ITIH2: variants seen among roughly 807,000 people sequenced by gnomAD.
ITIH2 encodes inter-alpha-trypsin inhibitor heavy chain H2.
ITIH2 carries 103 observed loss-of-function variants against 104.4 expected under a neutral mutation model. That is an observed-to-expected ratio of 0.99 (90% CI 0.84 to 1.16). The LOEUF is 1.16. ITIH2 is among the 50% of genes most tolerant of loss of function. The probability of loss-of-function intolerance (pLI) is 0.00; values close to 1 mark genes in which losing one functional copy is unlikely to be tolerated. For missense variants in ITIH2, 1,108 were observed against 1,162.4 expected (o/e 0.95, Z 0.68); for synonymous variants, 436 against 435.4 (o/e 1.00, Z -0.02).
At chr10:7,730,192 T>C in intron 12 of ITIH2, 59 bp downstream of exon 12, 5 of 1,242,296 alleles carry the variant, frequency 4.0e-6, no homozygotes, top group Non-Finnish European at 4.6e-6. Flanking sequence ...ACTACCCATA[T>C]CTGATGCAGG....
rs1431454650 is a variant in ITIH2, at chr10:7,712,129, CCGG to C, written c.363-1050_363-1048del. 1.1e-4 allele frequency among the ~76,000 whole-genome samples: 16 copies of C among 152,280 alleles called. No homozygotes were observed. The East Asian group carries it at 3.1e-3, about 29-fold the overall frequency. On this transcript the variant is annotated intron_variant, in intron 4 of 20. Transcript: ENST00000358415. Reference sequence around the variant, plus strand: ...GCATAATATTCTGTCTTCATCAGCTCCGGCTGCTATGACTAAGTACCATAAAAT... The same window carrying C: ...GCATAATATTCTGTCTTCATCAGCTCCTGCTATGACTAAGTACCATAAAAT...
intron 9 of ITIH2, among the ~76,000 whole-genome samples, 166 bp downstream of exon 9, chr10:7,723,733 A>C (rs1308819367): frequency 6.6e-6 from 1 of 152,144 alleles, no homozygotes; most frequent in Non-Finnish European, 1.5e-5. Flanking sequence ...CTATTATTGC[A>C]TTTCACAGGA....
chr10:7,712,432 G>T (rs2130939817), intron 4 of ITIH2, among the ~76,000 whole-genome samples: 1 of 152,260 alleles, frequency 6.6e-6, no homozygotes, highest in South Asian at 2.1e-4. Context: ...TAAACATTCG[G>T]TCCATTGCAT....
At position 7,732,009 on chromosome 10, in the gene ITIH2, AT is replaced by A; in HGVS notation, c.1647+14del. 6.3e-7 allele frequency: 1 copy of A among 1,599,822 alleles called. No individual in the cohort carries two copies. The highest frequency in any genetic ancestry group is 8.6e-7 in the Non-Finnish European group (1 of 1,168,214). On this transcript the variant is annotated intron_variant, in intron 13 of 20. Coordinates refer to ENST00000358415, the MANE Select transcript of ITIH2 (RefSeq NM_002216.3). The stretch of plus-strand genomic sequence containing the variant: ...CACGGCGACTTCGGTACTTCCACTT[AT>A]CCATTTATTCTATCTACTAACTGAC...
intron 13 of ITIH2, among the ~76,000 whole-genome samples, 163 bp from the exon 14 acceptor site, chr10:7,732,175 C>T (rs1243300305): frequency 6.6e-6 from 1 of 152,186 alleles, no homozygotes. Context: ...GACCTTTTCA[C>T]CCAAGCCCAA....
chr10:7,716,705 C>T (rs1397779922), intron 5 of ITIH2, among the ~76,000 whole-genome samples: 2 of 135,490 alleles, frequency 1.5e-5, no homozygotes, highest in African/African-American at 2.8e-5. Flanking sequence ...CACTGCACTA[C>T]AGCCTGGGCA....
rs370002230 is a variant in ITIH2, at chr10:7,737,617, C to A, written c.1958-1004C>A. Reference sequence around the variant, plus strand: ...TATATTCTATATTCTATAGAATATTCTATATTATATTCTATATTCTATAGA... The same window carrying A: ...TATATTCTATATTCTATAGAATATTATATATTATATTCTATATTCTATAGA... On this transcript the variant is annotated intron_variant, in intron 15 of 20. Transcript: ENST00000358415. Among the ~76,000 whole-genome samples, 715 of 114,092 alleles carry A rather than the reference C, an allele frequency of 6.3e-3. 8 individuals carry two copies. The highest frequency in any genetic ancestry group is 0.011 in the African/African-American group (283 of 26,128). The allele number at this position is 114,092 out of a possible 152,430, so 74.8% of individuals were successfully genotyped here.
At position 7,708,937 on chromosome 10, in the gene ITIH2, T is replaced by C; in HGVS notation, c.193-85T>C. On this transcript the variant is annotated intron_variant, in intron 3 of 20. Transcript: ENST00000358415. ...TGCTAGTAAAACAAGTAAAATGTAGTGTTGTTAACATCAAATGCACTACAT... is the reference window on the plus strand; with the variant it reads ...TGCTAGTAAAACAAGTAAAATGTAGCGTTGTTAACATCAAATGCACTACAT... 8.1e-6 allele frequency: 9 copies of C among 1,106,114 alleles called. No individual in the cohort carries two copies. The South Asian group carries it at 1.2e-4, about 14-fold the overall frequency. 68.5% of individuals were successfully genotyped at this position (1,106,114 alleles called of 1,614,324 possible).
chr10:7,746,068 TA>T (rs372266950), intron 19 of ITIH2, among the ~76,000 whole-genome samples: 393 of 35,750 alleles, frequency 0.011, 4 homozygotes, highest in African/African-American at 0.03. Context: ...ATCTTAAATT[TA>T]AAAAAAAAAA....
At chr10:7,720,984 T>G in intron 7 of ITIH2, 21 bp downstream of exon 7, 2 of 1,444,126 alleles carry the variant, frequency 1.4e-6, no homozygotes, top group East Asian at 2.3e-5. Context: ...CCCTGTGTGT[T>G]GCCAGGCATT....
intron 17 of ITIH2, 80 bp downstream of exon 17, chr10:7,743,339 C>T: frequency 1.3e-6 from 1 of 756,108 alleles, no homozygotes; most frequent in Non-Finnish European, 2.3e-6. Flanking sequence ...TTCTTTCTTT[C>T]TCAGCTTAAT....
chr10:7,727,081 T>G lies in ITIH2; in HGVS notation c.1116T>G (p.Asp372Glu). The change falls in exon 10 of 21, where the codon GAT (aspartate) becomes GAG (glutamate). Residue 372 changes from aspartate to glutamate, a missense_variant. Coordinates refer to ENST00000358415, the MANE Select transcript of ITIH2 (RefSeq NM_002216.3). ...LISATKTQVA[D>E]AKRYIEKIQP... ...CAGCTACAAAAACACAGGTTGCAGA[T>G]GCCAAGAGGTATATTGAGAAAATCC... 1 of 1,614,170 alleles carries G rather than the reference T, an allele frequency of 6.2e-7. No homozygotes were observed. The highest frequency in any genetic ancestry group is 8.5e-7 in the Non-Finnish European group (1 of 1,179,990).
At position 7,743,516 on chromosome 10, in the gene ITIH2, G is replaced by A. The variant is rs755214108; in HGVS notation, c.2209+257G>A. On this transcript the variant is annotated intron_variant, in intron 17 of 20. Transcript: ENST00000358415. ...GAGCCAGGAACGGTGGCTTACACAT[G>A]CAATCCCAGCACTTTGGGAGGCCGA... 7.9e-5 allele frequency among the ~76,000 whole-genome samples: 12 copies of A among 152,126 alleles called. No individual in the cohort carries two copies. In the South Asian group the frequency reaches 2.1e-3, roughly 26 times the overall value.
At position 7,744,960 on chromosome 10, in the gene ITIH2, A is replaced by C. The variant is rs1835162437; in HGVS notation, c.2578A>C (p.Ile860Leu). ...NKFSPKAHGLIGQFMQEPKIH... is the reference protein window; with the variant it reads ...NKFSPKAHGLLGQFMQEPKIH... ...GTTCTCACCTAAAGCCCACGGACTA[A>C]TAGGTAAAGTGTCTATTGACCATCT... The change falls in exon 19 of 21, where the codon ATA becomes CTA. Residue 860 changes from isoleucine (I) to leucine (L), a missense_variant. Coordinates refer to ENST00000358415, the MANE Select transcript of ITIH2 (RefSeq NM_002216.3). 10 of 1,613,264 alleles carry C rather than the reference A, an allele frequency of 6.2e-6. No individual in the cohort carries two copies. Among genetic ancestry groups the C allele is most frequent in the Non-Finnish European group, 8.5e-6 (10 of 1,179,306 alleles).
chr10:7,746,535 G>A (rs929628631), intron 19 of ITIH2, 58 bp from the exon 20 acceptor site: 12 of 1,160,558 alleles, frequency 1.0e-5, no homozygotes, highest in Non-Finnish European at 1.5e-5. Context: ...TCAATAATGA[G>A]CCTCTTTTTA....
At position 7,734,907 on chromosome 10, in the gene ITIH2, ACTT is replaced by A; in HGVS notation, c.1788-11_1788-9del. ...TGCAGCCATGCTCCATAACACCTCT[ACTT>A]CTTGAATACAGAAGCCTGGCTCCTA... On this transcript the variant is annotated splice_polypyrimidine_tract_variant and intron_variant, in intron 14 of 20. Coordinates refer to ENST00000358415, the MANE Select transcript of ITIH2 (RefSeq NM_002216.3). 2 of 1,604,338 alleles carry A rather than the reference ACTT, an allele frequency of 1.2e-6. No individual in the cohort carries two copies. The highest frequency in any genetic ancestry group is 8.5e-7 in the Non-Finnish European group (1 of 1,177,204).
At chr10:7,731,741 TA>T in intron 12 of ITIH2, 69 bp from the exon 13 acceptor site, 1 of 1,120,082 alleles carries the variant, frequency 8.9e-7, no homozygotes, top group Non-Finnish European at 1.3e-6. Context: ...AATAAATAAA[TA>T]AAATAAAATG....
At chr10:7,732,657 C>A (rs1835014877) in intron 14 of ITIH2, among the ~76,000 whole-genome samples, 180 bp downstream of exon 14, 1 of 152,034 alleles carries the variant, frequency 6.6e-6, no homozygotes, top group African/African-American at 2.4e-5. Flanking sequence ...CACTCTTTTT[C>A]TTCTTTATTG....
chr10:7,727,859 A>T (rs775282561), intron 11 of ITIH2, 31 bp downstream of exon 11: 10 of 1,612,424 alleles, frequency 6.2e-6, no homozygotes, highest in Non-Finnish European at 8.5e-6. Flanking sequence ...CTCACGACAA[A>T]CACTTTCACT....
Sources: gnomAD v4.1 joint callset for allele counts (sites outside exome capture counted in the v4.1 genomes callset) on GRCh38, gnomAD v4.1.1 for gene constraint, MANE v1.5 for transcripts, NCBI Gene and HGNC (gene_info 2026-07-23, HGNC 2026-07-21) for gene names.